The following KIDINS220 variants were observed in gnomAD, a reference collection of about 807,000 sequenced individuals.
The protein encoded by KIDINS220 is kinase D-interacting substrate of 220 kDa.
In KIDINS220, 63 loss-of-function variants were observed where a neutral mutation model predicts 157.6. The observed-to-expected ratio is 0.40, with a 90% CI of 0.33 to 0.49. The LOEUF (loss-of-function observed/expected upper bound fraction) is 0.49, where lower values mean the gene tolerates loss of function less well. Ranked by LOEUF, KIDINS220 falls within the 20% of genes least tolerant of loss-of-function variation. The pLI is 0.66. For synonymous variants in KIDINS220, 732 were observed against 783.6 expected (o/e 0.93, Z 1.10); for missense variants, 1,772 against 2,171.2 (o/e 0.82, Z 3.65).
At chr2:8,811,559 C>T (rs1056980314) in intron 6 of KIDINS220, among the ~76,000 whole-genome samples, 3 of 152,074 alleles carry the variant, frequency 2.0e-5, no homozygotes, top group Non-Finnish European at 4.4e-5. Context: ...ACAGAAACAA[C>T]GTTCACAGAA....
intron 22 of KIDINS220, among the ~76,000 whole-genome samples, chr2:8,762,015 G>T (rs1215957155): frequency 6.6e-6 from 1 of 152,088 alleles, no homozygotes; most frequent in African/African-American, 2.4e-5. Context: ...TTGGTAAATT[G>T]AATTCTTTAA....
Position 8,786,418 on chromosome 2 carries a change from G to C in KIDINS220, c.1788-61C>G. ...ATCTAAAGTAACAAATAACTTCAAT[G>C]TATGTCATCTTTGCATCACTTACCC... On this transcript the variant is annotated intron_variant, in intron 15 of 29. Transcript: ENST00000256707. 3.1e-6 allele frequency: 4 copies of C among 1,292,906 alleles called. No homozygotes were observed. The South Asian group carries it at 5.0e-5, about 16-fold the overall frequency. 80.1% of individuals were successfully genotyped at this position (1,292,906 alleles called of 1,614,324 possible).
chr2:8,786,749 C>T lies in KIDINS220; in HGVS notation c.1788-392G>A, dbSNP rs76040305. Among the ~76,000 whole-genome samples the T allele has an allele frequency of 2.2e-3, 331 of 152,040 alleles. 1 individual carries two copies. Among genetic ancestry groups the T allele is most frequent in the Middle Eastern group, 0.01 (3 of 294 alleles). ...AGTTGCACAAGAAAGTTTTCTAACA[C>T]CAACGAAAGAGACTCTAACCCTGAA... On this transcript the variant is annotated intron_variant, in intron 15 of 29. Transcript: ENST00000256707.
Position 8,733,592 on chromosome 2 carries a change from C to T in KIDINS220, c.3905G>A (p.Gly1302Asp). 1.2e-6 allele frequency: 2 copies of T among 1,614,076 alleles called. No individual in the cohort carries two copies. The highest frequency in any genetic ancestry group is 1.7e-6 in the Non-Finnish European group (2 of 1,180,008). The change falls in exon 29 of 30, where the codon GGT becomes GAT. Residue 1302 changes from glycine to aspartate, a missense_variant. This residue lies in a region of KIDINS220 where 793 missense variants were observed against 885.5 expected (regional missense o/e 0.90). Transcript: ENST00000256707. ...GTGGGAAGCGCGGCGAGCAGGCTCA[C>T]CGTGCGGGGCTGGGCCACTGCTGCT... ...SESSSGPAPH[G>D]EPARRASHNE... is the part of the protein sequence containing the mutation.
intron 6 of KIDINS220, among the ~76,000 whole-genome samples, chr2:8,807,861 C>G (rs1224806307): frequency 6.6e-6 from 1 of 152,192 alleles, no homozygotes; most frequent in African/African-American, 2.4e-5. Flanking sequence ...GTGGCTCACG[C>G]CTGTAATCCC....
chr2:8,776,066 T>C (rs1670926737), intron 21 of KIDINS220, among the ~76,000 whole-genome samples: 1 of 152,214 alleles, frequency 6.6e-6, no homozygotes, highest in South Asian at 2.1e-4. Context: ...GAGAACTCAC[T>C]TAAAGGAACT....
chr2:8,804,656 T>G (rs1329380663), intron 7 of KIDINS220, among the ~76,000 whole-genome samples: 4 of 152,242 alleles, frequency 2.6e-5, no homozygotes, highest in Admixed American at 2.0e-4. Flanking sequence ...AGAAAAATAT[T>G]TTAATGCAGC....
intron 8 of KIDINS220, among the ~76,000 whole-genome samples, chr2:8,800,759 A>G (rs1674575745): frequency 6.6e-6 from 1 of 152,242 alleles, no homozygotes; most frequent in Non-Finnish European, 1.5e-5. Context: ...CCAGTTACCC[A>G]GAACAATAAT....
chr2:8,722,207 C>A (rs1384032166), downstream of KIDINS220: 2 of 152,104 alleles, frequency 1.3e-5, no homozygotes, highest in Admixed American at 1.3e-4. Flanking sequence ...TTATTGACTG[C>A]AAGACATATT....
intron 22 of KIDINS220, among the ~76,000 whole-genome samples, chr2:8,756,904 G>T (rs1668083313): frequency 6.6e-6 from 1 of 152,182 alleles, no homozygotes; most frequent in East Asian, 1.9e-4. Flanking sequence ...ACTTAGGAGG[G>T]ATAATTTCAG....
At position 8,750,308 on chromosome 2, in the gene KIDINS220, C is replaced by T; in HGVS notation, c.3218G>A (p.Ser1073Asn). ...CGGGGGGTACGCCAGTCCTCCAATA[C>T]TGATCTGCTCTCTGGCAGCACGAAC... ...ADVRAAREQI[S>N]IGGLAYPPLP... The change falls in exon 24 of 30, where the codon AGT (serine) becomes AAT (asparagine). Residue 1073 changes from serine (S) to asparagine (N), a missense_variant. Ser to Asn is a conservative substitution (Grantham distance 46). Transcript: ENST00000256707. 1.9e-6 allele frequency: 3 copies of T among 1,596,466 alleles called. No homozygotes were observed. The highest frequency in any genetic ancestry group is 2.6e-6 in the Non-Finnish European group (3 of 1,169,480).
Position 8,793,877 on chromosome 2 carries a change from T to C in KIDINS220, c.1209A>G (p.Ala403=). 6.2e-7 allele frequency: 1 copy of C among 1,613,948 alleles called. No individual in the cohort carries two copies. The highest frequency in any genetic ancestry group is 8.5e-7 in the Non-Finnish European group (1 of 1,179,940). The change falls in exon 12 of 30, where the codon GCA becomes GCG. Residue 403 remains alanine (A), a synonymous_variant. Transcript: ENST00000256707. ...DGRLLYRPNK[A]GETPYNIDCS... Reference sequence around the variant, plus strand: ...AGTCAATATTATAAGGAGTCTCGCCTGCTTTGTTGGGCCTATAAAGTAATC... The same window carrying C: ...AGTCAATATTATAAGGAGTCTCGCCCGCTTTGTTGGGCCTATAAAGTAATC...
At position 8,731,003 on chromosome 2, in the gene KIDINS220, C is replaced by T. The variant is rs776627048; in HGVS notation, c.5033G>A (p.Arg1678Gln). 26 of 1,614,040 alleles carry T rather than the reference C, an allele frequency of 1.6e-5. No individual in the cohort carries two copies. Among genetic ancestry groups the T allele is most frequent in the East Asian group, 1.3e-4 (6 of 44,890 alleles). ...GTTCAGAGTCACGGTGCTGGGAGTT[C>T]GGTTCAGGTTGTAGGCTTTCTGGCA... is the stretch of plus-strand genomic sequence containing the variant. The part of the protein sequence containing the change: ...PACQKAYNLN[R>Q]TPSTVTLNNN... Residue 1678 changes from arginine (R) to glutamine (Q), a missense_variant, in exon 30 of 30, where the codon CGA (arginine) becomes CAA (glutamine). Coordinates refer to ENST00000256707, the MANE Select transcript of KIDINS220 (RefSeq NM_020738.4). The surrounding 1 kb of genome is among the most constrained non-coding windows in gnomAD (Gnocchi z 5.2).
intron 2 of KIDINS220, among the ~76,000 whole-genome samples, chr2:8,821,297 C>G (rs1339561758): frequency 1.1e-4 from 17 of 152,048 alleles, no homozygotes; most frequent in African/African-American, 4.1e-4. Flanking sequence ...AGCTGTCCAC[C>G]CAGTATCTAG....
downstream of KIDINS220, chr2:8,723,106 CAA>C (rs2147916536): frequency 6.6e-6 from 1 of 152,366 alleles, no homozygotes; most frequent in South Asian, 2.1e-4. Context: ...CGTCTAGTGG[CAA>C]AGACTCCTGT....
chr2:8,726,292 C>T (rs1486721196), downstream of KIDINS220, among the ~76,000 whole-genome samples: 1 of 152,212 alleles, frequency 6.6e-6, no homozygotes, highest in East Asian at 1.9e-4. Context: ...AGAAAGTCCT[C>T]GTCATGAAAC....
rs778269437 is a variant in KIDINS220, at chr2:8,817,587, G to C, written c.306+31C>G. On this transcript the variant is annotated intron_variant, in intron 4 of 29. Transcript: ENST00000256707. Reference sequence around the variant, plus strand: ...ATCTATGATTATAAATAAGATTTCAGCTAATTAAGAACATATAAAAATGTC... The same window carrying C: ...ATCTATGATTATAAATAAGATTTCACCTAATTAAGAACATATAAAAATGTC... 121 of 1,175,010 alleles carry C rather than the reference G, an allele frequency of 1.0e-4. No individual in the cohort carries two copies. Among genetic ancestry groups the C allele is most frequent in the Admixed American group, 4.2e-4 (20 of 47,498 alleles). The allele number at this position is 1,175,010 out of a possible 1,614,324, so 72.8% of individuals were successfully genotyped here.
In KIDINS220 at chr2:8,837,571, C is replaced by G. The variant is rs1399279541; in HGVS notation, c.-128G>C. 6.6e-6 allele frequency: 1 copy of G among 152,260 alleles called. No individual in the cohort carries two copies. Among genetic ancestry groups the G allele is most frequent in the African/African-American group, 2.4e-5 (1 of 41,452 alleles). The allele number at this position is 152,260 out of a possible 1,614,324, so 9.4% of individuals were successfully genotyped here. On this transcript the variant is annotated 5_prime_UTR_variant, in exon 1 of 30. Coordinates refer to ENST00000256707, the MANE Select transcript of KIDINS220 (RefSeq NM_020738.4). ...GAGACGGCGACTGCAAGCGCGTCGCCCTCACCACACCCGGCGGCCATATTC... is the reference window on the plus strand; with the variant it reads ...GAGACGGCGACTGCAAGCGCGTCGCGCTCACCACACCCGGCGGCCATATTC...
At position 8,728,885 on chromosome 2, in the gene KIDINS220, C is replaced by G. The variant is rs958835808; in HGVS notation, c.*1835G>C. 5.1e-6 allele frequency: 5 copies of G among 984,640 alleles called. No homozygotes were observed. In the African/African-American group the frequency reaches 5.2e-5, roughly 10 times the overall value. The allele number at this position is 984,640 out of a possible 1,614,324, so 61.0% of individuals were successfully genotyped here. A position where few individuals can be genotyped will look rare whatever the true frequency, so the allele number is the denominator to read the frequency against. ...CACACAAACTACTTTTATTTTTAATCAAAATGTGAATCATCATAGTGAATA... is the reference window on the plus strand; with the variant it reads ...CACACAAACTACTTTTATTTTTAATGAAAATGTGAATCATCATAGTGAATA... On this transcript the variant is annotated 3_prime_UTR_variant, in exon 30 of 30. Transcript: ENST00000256707.
Sources: allele counts gnomAD v4.1 joint callset (sites outside exome capture counted in the v4.1 genomes callset), GRCh38; gene constraint gnomAD v4.1.1; regional missense constraint gnomAD v4.1.1; non-coding constraint Gnocchi (gnomAD v3.1); transcripts MANE v1.5; gene names NCBI Gene and HGNC (gene_info 2026-07-23, HGNC 2026-07-21).